LIPE: variants seen among roughly 807,000 people sequenced by gnomAD.
The protein encoded by LIPE is lipase E, hormone sensitive type.
A neutral mutation model predicts 88.5 loss-of-function variants in LIPE; 66 were observed. That is an observed-to-expected ratio of 0.75 (90% CI 0.61 to 0.91). The LOEUF (loss-of-function observed/expected upper bound fraction) is 0.91. LIPE is among the 40% of genes least tolerant of loss of function. LIPE has a pLI of 0.00. For missense variants in LIPE, 1,346 were observed against 1,434.7 expected, an observed-to-expected ratio of 0.94 and a Z score of 1.00; for synonymous variants, 570 against 617.5, an observed-to-expected ratio of 0.92 and a Z score of 1.14.
chr19:42,408,217 C>A lies in LIPE; in HGVS notation c.1510+15G>T. 1.2e-6 allele frequency: 2 copies of A among 1,613,980 alleles called. No homozygotes were observed. The highest frequency in any genetic ancestry group is 1.7e-6 in the Non-Finnish European group (2 of 1,179,884). ...CAAGAGAGTAGGCTGCGAGTAGAAC[C>A]TGGCTGGGACTCACTGAGGCCTGTC... is the stretch of plus-strand genomic sequence containing the variant. On this transcript the variant is annotated intron_variant, in intron 3 of 9. Coordinates refer to ENST00000244289, the MANE Select transcript of LIPE (RefSeq NM_005357.4). The surrounding 1 kb of genome is among the most constrained non-coding windows in gnomAD (Gnocchi z 4.3).
rs2040439520 is a variant in LIPE, at chr19:42,414,061, G to A, written c.884-3219C>T. On this transcript the variant is annotated intron_variant, in intron 1 of 9. Transcript: ENST00000244289. This position sits in a 1 kb window ranked among gnomAD's most constrained non-coding sequence, Gnocchi z 4.6. Reference sequence around the variant, plus strand: ...TGGGAGGCCGACGTGGGTGGGCCACGAGGTCAGGAGATCGAGACCATCCTG... The same window carrying A: ...TGGGAGGCCGACGTGGGTGGGCCACAAGGTCAGGAGATCGAGACCATCCTG... 6.6e-6 allele frequency among the ~76,000 whole-genome samples: 1 copy of A among 152,040 alleles called. No homozygotes were observed.
At chr19:42,421,293 T>G (rs1443040387) in intron 1 of LIPE, among the ~76,000 whole-genome samples, 4 of 152,154 alleles carry the variant, frequency 2.6e-5, no homozygotes, top group Non-Finnish European at 5.9e-5. Flanking sequence ...CAGTGTTTCC[T>G]CAAGCCTCGG....
At chr19:42,411,292 G>A (rs574997227) in intron 1 of LIPE, 42 of 984,550 alleles carry the variant, frequency 4.3e-5, no homozygotes, top group East Asian at 2.3e-4. Context: ...GGAGGCTGCC[G>A]GTCCTTCTTT....
rs1353054061 is a variant in LIPE, at chr19:42,408,185, G to T, written c.1510+47C>A. The T allele has an allele frequency of 2.3e-5, 37 of 1,613,626 alleles. No individual in the cohort carries two copies. In the East Asian group the frequency reaches 8.2e-4, roughly 36 times the overall value. On this transcript the variant is annotated intron_variant, in intron 3 of 9. Coordinates refer to ENST00000244289, the MANE Select transcript of LIPE (RefSeq NM_005357.4). The surrounding 1 kb of genome is among the most constrained non-coding windows in gnomAD (Gnocchi z 4.3). ...CAGGCTGCTTGGGCAGGAGTGGGGA[G>T]GAGGGCCAAGAGAGTAGGCTGCGAG...
chr19:42,407,564 C>T lies in LIPE; in HGVS notation c.1842+42G>A. On this transcript the variant is annotated intron_variant, in intron 5 of 9. Transcript: ENST00000244289. The surrounding 1 kb of genome is among the most constrained non-coding windows in gnomAD (Gnocchi z 5.8). ...TGCCAAGGTGGGGGCTGCCCACGCT[C>T]CTCGGCTCTGTCCCTGTCCCTGGCT... The T allele has an allele frequency of 1.9e-6, 3 of 1,581,716 alleles. No individual in the cohort carries two copies. The highest frequency in any genetic ancestry group is 2.6e-6 in the Non-Finnish European group (3 of 1,161,628).
Position 42,406,588 on chromosome 19 carries a change from T to A in LIPE, c.2138-200A>T, listed in dbSNP as rs777587741. On this transcript the variant is annotated intron_variant, in intron 6 of 9. Coordinates refer to ENST00000244289, the MANE Select transcript of LIPE (RefSeq NM_005357.4). This position sits in a 1 kb window ranked among gnomAD's most constrained non-coding sequence, Gnocchi z 5.7. ...TCATGTGGTAGACAGAGGGTCAGGA[T>A]GACTCAGGACCTGGAGAGGCCCAGG... 1.5e-4 allele frequency among the ~76,000 whole-genome samples: 23 copies of A among 152,168 alleles called. No homozygotes were observed. Among genetic ancestry groups the A allele is most frequent in the Non-Finnish European group, 3.1e-4 (21 of 68,020 alleles).
At position 42,402,982 on chromosome 19, in the gene LIPE, G is replaced by T. The variant is rs938533704; in HGVS notation, c.2592C>A (p.Gly864=). ...TCTTGAGGGAATCCGTGCCCAGTGG[G>T]CCCTGGGGCTGGGCCAGTGCTGCTT... is the stretch of plus-strand genomic sequence containing the variant. The part of the protein sequence containing the change: ...VSEAALAQPQ[G]PLGTDSLKNL... The change falls in exon 9 of 10, where the codon GGC becomes GGA. Residue 864 remains glycine, a synonymous_variant. Coordinates refer to ENST00000244289, the MANE Select transcript of LIPE (RefSeq NM_005357.4). 8 of 1,602,134 alleles carry T rather than the reference G, an allele frequency of 5.0e-6. No individual in the cohort carries two copies. The highest frequency in any genetic ancestry group is 1.3e-5 in the African/African-American group (1 of 74,952).
rs1600096869 is a variant in LIPE at position 42,401,561 on chromosome 19, G to A, written c.*251C>T. ...ACAAACCAAACCGACCTGCAAGGGA[G>A]GGCCAGTCCCCGTCCCTGCGGCGGT... On this transcript the variant is annotated 3_prime_UTR_variant, in exon 10 of 10. Transcript: ENST00000244289. The A allele has an allele frequency of 2.1e-6, 1 of 480,914 alleles. No individual in the cohort carries two copies. The highest frequency in any genetic ancestry group is 2.0e-5 in the African/African-American group (1 of 48,806). 29.8% of individuals were successfully genotyped at this position (480,914 alleles called of 1,614,324 possible).
intron 1 of LIPE, among the ~76,000 whole-genome samples, chr19:42,425,468 G>A (rs2040690509): frequency 6.6e-6 from 1 of 152,090 alleles, no homozygotes. Context: ...ATGGCCCTGT[G>A]CAAGAACCCT....
rs2040196917 is a variant in LIPE, at chr19:42,406,736, A to T, written c.2138-348T>A. On this transcript the variant is annotated intron_variant, in intron 6 of 9. Transcript: ENST00000244289. The surrounding 1 kb of genome is among the most constrained non-coding windows in gnomAD (Gnocchi z 5.7). ...CCTCAGAGGGCGGGAATGGAAGGTCAGGGTTCAGGGTCAGTACAGAGGGGC... is the reference window on the plus strand; with the variant it reads ...CCTCAGAGGGCGGGAATGGAAGGTCTGGGTTCAGGGTCAGTACAGAGGGGC... Among the ~76,000 whole-genome samples the T allele has an allele frequency of 6.6e-6, 1 of 152,094 alleles. No homozygotes were observed. The highest frequency in any genetic ancestry group is 2.1e-4 in the South Asian group (1 of 4,830).
At position 42,401,667 on chromosome 19, in the gene LIPE, T is replaced by G; in HGVS notation, c.*145A>C. The G allele has an allele frequency of 5.0e-5, 24 of 476,032 alleles. No homozygotes were observed. Among genetic ancestry groups the G allele is most frequent in the East Asian group, 1.4e-4 (3 of 22,128 alleles). The allele number at this position is 476,032 out of a possible 1,614,324, so 29.5% of individuals were successfully genotyped here. On this transcript the variant is annotated 3_prime_UTR_variant, in exon 10 of 10. Transcript: ENST00000244289. ...TGACCGGTGTGTGTGCGCGTCCCCC[T>G]CCCCGTGGCGAGGGTCTCAGCTTTC... is the stretch of plus-strand genomic sequence containing the variant.
chr19:42,424,544 C>G (rs184290212), intron 1 of LIPE: 11 of 456,230 alleles, frequency 2.4e-5, no homozygotes, highest in Non-Finnish European at 4.8e-5. Flanking sequence ...TGCCTGCCGC[C>G]CCTCTTCCTT....
Position 42,401,953 on chromosome 19 carries a change from C to G in LIPE, c.3090G>C (p.Ala1030=), listed in dbSNP as rs1800537. Residue 1030 remains alanine (A), a synonymous_variant, in exon 10 of 10, where the codon GCG becomes GCC. Coordinates refer to ENST00000244289, the MANE Select transcript of LIPE (RefSeq NM_005357.4). The part of the protein sequence containing the change: ...EDLPHGFLTL[A]ALCRETRQAA... ...CCTGGCGCGTCTCGCGGCACAGCGCCGCTAGGGTCAGGAAGCCGTGCGGCA... is the reference window on the plus strand; with the variant it reads ...CCTGGCGCGTCTCGCGGCACAGCGCGGCTAGGGTCAGGAAGCCGTGCGGCA... 164 of 1,557,758 alleles carry G rather than the reference C, an allele frequency of 1.1e-4. 1 individual carries two copies. The African/African-American group carries it at 2.0e-3, about 19-fold the overall frequency.
Position 42,410,619 on chromosome 19 carries a change from C to T in LIPE, c.1107G>A (p.Pro369=), listed in dbSNP as rs979655687. Residue 369 remains proline (P), a synonymous_variant, in exon 2 of 10, where the codon CCG becomes CCA. Transcript: ENST00000244289. This position sits in a 1 kb window ranked among gnomAD's most constrained non-coding sequence, Gnocchi z 6.1. The part of the protein sequence containing the change: ...AHLFDLDPET[P]ANGYRSLVHT... ...GCACTAGGCTGCGGTACCCGTTGGC[C>T]GGTGTCTCTGGGTCCAGGTCAAAGA... The T allele has an allele frequency of 9.3e-6, 15 of 1,613,348 alleles. No homozygotes were observed. The highest frequency in any genetic ancestry group is 5.3e-5 in the African/African-American group (4 of 74,910).
Position 42,401,927 on chromosome 19 carries a change from G to A in LIPE, c.3116C>T (p.Ala1039Val), listed in dbSNP as rs750497709. ...LAALCRETRQ[A>V]AELCVERIRL... ...GATGCGCTCCACGCACAGCTCTGCG[G>A]CCTGGCGCGTCTCGCGGCACAGCGC... The change falls in exon 10 of 10, where the codon GCC (alanine) becomes GTC (valine). Residue 1039 changes from alanine (A) to valine (V), a missense_variant. Coordinates refer to ENST00000244289, the MANE Select transcript of LIPE (RefSeq NM_005357.4). 3.2e-6 allele frequency: 5 copies of A among 1,555,304 alleles called. No individual in the cohort carries two copies. The highest frequency in any genetic ancestry group is 2.4e-5 in the East Asian group (1 of 42,062).
intron 8 of LIPE, 80 bp from the exon 9 acceptor site, chr19:42,403,111 C>T: frequency 7.2e-7 from 1 of 1,392,066 alleles, no homozygotes; most frequent in Admixed American, 2.3e-5. Context: ...ATGGGAAGGG[C>T]AGTCGCCTGT....
chr19:42,422,384 G>A (rs746092823), intron 1 of LIPE, among the ~76,000 whole-genome samples: 8 of 152,200 alleles, frequency 5.3e-5, no homozygotes, highest in Non-Finnish European at 1.0e-4. Context: ...AGTCTGTACT[G>A]CCTCTGGGTA....
chr19:42,403,158 GC>G (rs35887063), intron 8 of LIPE, 127 bp from the exon 9 acceptor site: 1 of 953,078 alleles, frequency 1.0e-6, no homozygotes, highest in South Asian at 1.8e-5. Flanking sequence ...CCAGACTCTT[GC>G]CTAGGGGATG....
At chr19:42,420,131 C>T (rs1277151145) in intron 1 of LIPE, among the ~76,000 whole-genome samples, 1 of 151,758 alleles carries the variant, frequency 6.6e-6, no homozygotes, top group Non-Finnish European at 1.5e-5. Flanking sequence ...TCCCTTTTGG[C>T]AGATGACAAA....
Sources: allele counts gnomAD v4.1 joint callset (sites outside exome capture counted in the v4.1 genomes callset), GRCh38; gene constraint gnomAD v4.1.1; non-coding constraint Gnocchi (gnomAD v3.1); transcripts MANE v1.5; gene names NCBI Gene and HGNC (gene_info 2026-07-23, HGNC 2026-07-21).